The following DOCK1 variants were observed in gnomAD, a reference collection of about 807,000 sequenced individuals.
DOCK1 encodes the protein dedicator of cytokinesis protein 1.
A neutral mutation model predicts 262.7 loss-of-function variants in DOCK1; 138 were observed. The ratio of observed to expected loss-of-function variants is 0.53; its 90% CI spans 0.46 to 0.61. DOCK1 has a LOEUF of 0.61. Among genes scored for constraint, DOCK1 ranks in the 20% least tolerant of loss-of-function variants. DOCK1 has a pLI of 0.00. For missense variants in DOCK1, 1,908 were observed against 2,370.7 expected, an observed-to-expected ratio of 0.80 and a Z score of 4.05; for synonymous variants, 866 against 867.4, an observed-to-expected ratio of 1.00 and a Z score of 0.03.
At chr10:127,125,065 C>T (rs2049861966) in intron 25 of DOCK1, among the ~76,000 whole-genome samples, 1 of 151,734 alleles carries the variant, frequency 6.6e-6, no homozygotes, top group African/African-American at 2.4e-5. Flanking sequence ...TGCAGTGAGC[C>T]GAGATCACAC....
intron 28 of DOCK1, among the ~76,000 whole-genome samples, chr10:127,256,535 C>A (rs1339195514): frequency 2.0e-5 from 3 of 152,078 alleles, no homozygotes. Context: ...TTGGGATAGC[C>A]ACTTGTTTTG....
chr10:126,976,201 G>T (rs918810546), intron 2 of DOCK1, among the ~76,000 whole-genome samples: 1 of 152,026 alleles, frequency 6.6e-6, no homozygotes, highest in Non-Finnish European at 1.5e-5. Context: ...GCTGATACTG[G>T]GCCAGCTTAT....
intron 28 of DOCK1, among the ~76,000 whole-genome samples, chr10:127,257,078 CT>C (rs1254578040): frequency 6.6e-6 from 1 of 152,164 alleles, no homozygotes; most frequent in Non-Finnish European, 1.5e-5. Flanking sequence ...TGGGGATTTA[CT>C]CTTTAACTAT....
intron 27 of DOCK1, among the ~76,000 whole-genome samples, chr10:127,232,500 CT>C (rs1364053063): frequency 2.0e-5 from 3 of 152,106 alleles, no homozygotes; most frequent in African/African-American, 7.2e-5. Flanking sequence ...CACATTCGTA[CT>C]GCAGTTATTG....
chr10:127,402,849 G>A, intron 38 of DOCK1: 1 of 667,206 alleles, frequency 1.5e-6, no homozygotes, highest in Non-Finnish European at 2.8e-6. Flanking sequence ...GCCAGTGATT[G>A]ACCTCTTTGG....
At chr10:126,959,917 C>G (rs926803302) in intron 1 of DOCK1, among the ~76,000 whole-genome samples, 1 of 152,118 alleles carries the variant, frequency 6.6e-6, no homozygotes, top group Non-Finnish European at 1.5e-5. Context: ...TCCCGGGTTT[C>G]TCCTGCCTCA....
In DOCK1 at chr10:127,374,225, G is replaced by A. The variant is rs766410093; in HGVS notation, c.3675+11G>A. ...ACCGTCAATGTGCTGGTGAGTGAAAGCTTAATCACGTTTTTTCAGTTTTCA... is the reference window on the plus strand; with the variant it reads ...ACCGTCAATGTGCTGGTGAGTGAAAACTTAATCACGTTTTTTCAGTTTTCA... On this transcript the variant is annotated intron_variant, in intron 35 of 51. Coordinates refer to ENST00000623213, the MANE Select transcript of DOCK1 (RefSeq NM_001290223.2). 1.9e-6 allele frequency: 3 copies of A among 1,599,980 alleles called. No individual in the cohort carries two copies. Among genetic ancestry groups the A allele is most frequent in the Middle Eastern group, 1.7e-4 (1 of 5,968 alleles).
chr10:127,249,355 TTATA>T (rs1382065116), intron 28 of DOCK1, among the ~76,000 whole-genome samples: 2 of 151,498 alleles, frequency 1.3e-5, no homozygotes, highest in Non-Finnish European at 2.9e-5. Flanking sequence ...ATTTTTATAC[TTATA>T]TATACATATA....
intron 16 of DOCK1, among the ~76,000 whole-genome samples, chr10:127,027,208 T>TG (rs1038667576): frequency 1.3e-5 from 2 of 152,228 alleles, no homozygotes; most frequent in African/African-American, 4.8e-5. Context: ...GATGACCCCG[T>TG]GGGGGTCACA....
intron 28 of DOCK1, among the ~76,000 whole-genome samples, chr10:127,251,932 T>C (rs1414194655): frequency 1.3e-5 from 2 of 152,024 alleles, no homozygotes; most frequent in East Asian, 3.9e-4. Context: ...GTATTTCTAG[T>C]TCTAGATCCC....
intron 25 of DOCK1, among the ~76,000 whole-genome samples, chr10:127,119,355 A>G (rs1490673025): frequency 6.6e-6 from 1 of 152,164 alleles, no homozygotes; most frequent in Non-Finnish European, 1.5e-5. Flanking sequence ...CGGAATAGAC[A>G]TCTAATAATT....
intron 30 of DOCK1, among the ~76,000 whole-genome samples, chr10:127,340,956 A>G (rs74718316): frequency 0.023 from 3,429 of 152,260 alleles, 120 homozygotes; most frequent in African/African-American, 0.078. Flanking sequence ...ATTTTTCTGT[A>G]GTGAAATCTG....
intron 10 of DOCK1, among the ~76,000 whole-genome samples, chr10:127,002,280 T>G (rs1317553324): frequency 6.6e-6 from 1 of 152,218 alleles, no homozygotes; most frequent in Non-Finnish European, 1.5e-5. Flanking sequence ...GAGCTACACA[T>G]TCTCTGGTTA....
intron 25 of DOCK1, among the ~76,000 whole-genome samples, chr10:127,120,238 T>C (rs1327147120): frequency 6.6e-6 from 1 of 152,172 alleles, no homozygotes; most frequent in Non-Finnish European, 1.5e-5. Context: ...GGGTGTCTGA[T>C]AAGAGAGAGC....
chr10:127,112,655 A>G (rs1288508870), intron 25 of DOCK1, among the ~76,000 whole-genome samples: 1 of 152,180 alleles, frequency 6.6e-6, no homozygotes, highest in Non-Finnish European at 1.5e-5. Flanking sequence ...GTTGTACCCA[A>G]TGTAGTAAAT....
intron 29 of DOCK1, 154 bp downstream of exon 29, chr10:127,257,583 G>T: frequency 3.5e-6 from 2 of 569,404 alleles, no homozygotes; most frequent in South Asian, 3.1e-5. Flanking sequence ...TAGGGAGACA[G>T]GGACTCTGAG....
At chr10:127,118,739 C>T (rs188892145) in intron 25 of DOCK1, among the ~76,000 whole-genome samples, 65 of 152,308 alleles carry the variant, frequency 4.3e-4, no homozygotes, top group Middle Eastern at 3.4e-3. Flanking sequence ...CCCAGTGGCC[C>T]TGTTCCAGTC....
At chr10:127,040,113 C>T (rs566513753) in intron 19 of DOCK1, among the ~76,000 whole-genome samples, 5 of 152,288 alleles carry the variant, frequency 3.3e-5, no homozygotes, top group African/African-American at 9.6e-5. Flanking sequence ...TTGCATGAAC[C>T]GTGACAGGCC....
intron 35 of DOCK1, among the ~76,000 whole-genome samples, chr10:127,378,548 G>C (rs1477569893): frequency 6.6e-6 from 1 of 152,186 alleles, no homozygotes; most frequent in African/African-American, 2.4e-5. Context: ...GAGAGGTTTT[G>C]AAGTCCTAGG....
Sources: gnomAD v4.1 joint callset for allele counts (sites outside exome capture counted in the v4.1 genomes callset) on GRCh38, gnomAD v4.1.1 for gene constraint, MANE v1.5 for transcripts, NCBI Gene and HGNC (gene_info 2026-07-23, HGNC 2026-07-21) for gene names.